The following HEATR5A variants were observed in gnomAD, a reference collection of about 807,000 sequenced individuals.
HEATR5A encodes HEAT repeat-containing protein 5A.
In HEATR5A, 178 loss-of-function variants were observed where a neutral mutation model predicts 218.8. The ratio of observed to expected loss-of-function variants is 0.81; its 90% CI spans 0.72 to 0.92. HEATR5A has a LOEUF of 0.92. Among genes scored for constraint, HEATR5A ranks in the 40% least tolerant of loss-of-function variants. The pLI, the probability that HEATR5A is intolerant of heterozygous loss-of-function variation, is 0.00. For missense variants in HEATR5A, 2,420 were observed against 2,418.9 expected (o/e 1.00, Z -0.01); for synonymous variants, 864 against 871.6 (o/e 0.99, Z 0.15).
In HEATR5A at chr14:31,345,290, G is replaced by A. The variant is rs1469358484; in HGVS notation, c.2869-14C>T. The A allele has an allele frequency of 6.4e-7, 1 of 1,564,156 alleles. No individual in the cohort carries two copies. The highest frequency in any genetic ancestry group is 1.2e-5 in the South Asian group (1 of 84,596). On this transcript the variant is annotated splice_polypyrimidine_tract_variant and intron_variant, in intron 19 of 35. Coordinates refer to ENST00000543095, the MANE Select transcript of HEATR5A (RefSeq NM_015473.4). Reference sequence around the variant, plus strand: ...TAATGCCCAGGTCTGTAATGACAAAGAAAAACAATTAAAAACATTACAGCA... The same window carrying A: ...TAATGCCCAGGTCTGTAATGACAAAAAAAAACAATTAAAAACATTACAGCA...
Position 31,388,893 on chromosome 14 carries a change from C to T in HEATR5A, c.885G>A (p.Leu295=), listed in dbSNP as rs1465404831. 3 of 1,613,802 alleles carry T rather than the reference C, an allele frequency of 1.9e-6. No individual in the cohort carries two copies. Among genetic ancestry groups the T allele is most frequent in the Non-Finnish European group, 2.5e-6 (3 of 1,179,860 alleles). Residue 295 remains leucine, a synonymous_variant, in exon 7 of 36, where the codon CTG becomes CTA. Transcript: ENST00000543095. ...CCCTACTGACTGAACTGGTTCCTTTCAGCATATCTCCACTGGCTCGAAGGA... is the reference window on the plus strand; with the variant it reads ...CCCTACTGACTGAACTGGTTCCTTTTAGCATATCTCCACTGGCTCGAAGGA... ...SGFLRASGDM[L]KGTSSVSRDV...
chr14:31,334,246 T>C, intron 22 of HEATR5A: 3 of 336,694 alleles, frequency 8.9e-6, no homozygotes, highest in Non-Finnish European at 6.0e-6. Context: ...AGATAAATGT[T>C]GTTTTCATGC....
Position 31,400,451 on chromosome 14 carries a change from G to C in HEATR5A, c.188C>G (p.Ser63Cys). ...VEQLLSLLNS[S>C]PGPPTRKLLA... Reference sequence around the variant, plus strand: ...CAGTTTGCGGGTAGGAGGCCCTGGGGAGCTGTTCAACAAAGACAGGAGCTG... The same window carrying C: ...CAGTTTGCGGGTAGGAGGCCCTGGGCAGCTGTTCAACAAAGACAGGAGCTG... Residue 63 changes from serine (S) to cysteine (C), a missense_variant, in exon 3 of 36, where the codon TCC (serine) becomes TGC (cysteine). Ser to Cys is a moderately radical substitution (Grantham distance 112). Transcript: ENST00000543095. 1 of 1,535,922 alleles carries C rather than the reference G, an allele frequency of 6.5e-7. No homozygotes were observed. The highest frequency in any genetic ancestry group is 8.7e-7 in the Non-Finnish European group (1 of 1,146,818).
chr14:31,345,581 A>G (rs1400340244), intron 19 of HEATR5A, among the ~76,000 whole-genome samples: 1 of 152,270 alleles, frequency 6.6e-6, no homozygotes, highest in Non-Finnish European at 1.5e-5. Context: ...TCAAGTTTTT[A>G]AAAAGATTCA....
In HEATR5A at chr14:31,346,023, T is replaced by C. The variant is rs536948463; in HGVS notation, c.2869-747A>G. On this transcript the variant is annotated intron_variant, in intron 19 of 35. Coordinates refer to ENST00000543095, the MANE Select transcript of HEATR5A (RefSeq NM_015473.4). ...ATTCATTGCAGTATACTTTCTAATT[T>C]TGTGTACGTTTTAATGTTCTATAAC... Among the ~76,000 whole-genome samples, 8 of 152,332 alleles carry C rather than the reference T, an allele frequency of 5.3e-5. No homozygotes were observed. In the East Asian group the frequency reaches 1.3e-3, roughly 26 times the overall value.
intron 31 of HEATR5A, among the ~76,000 whole-genome samples, chr14:31,305,806 AAGAC>A (rs1032520515): frequency 1.3e-5 from 2 of 152,204 alleles, no homozygotes; most frequent in African/African-American, 4.8e-5. Flanking sequence ...GCTGGACAGA[AAGAC>A]AGAAAGTCAC....
Position 31,293,409 on chromosome 14 carries a change from T to G in HEATR5A, c.6037A>C (p.Ile2013Leu). ...PALKARLEAA[I>L]KGNQESVKVK... ...TTGACACTTTCCTGATTGCCCTTTA[T>G]AGCAGCCTCAAGGCGGGCTTTTAGG... is the stretch of plus-strand genomic sequence containing the variant. Residue 2013 changes from isoleucine to leucine, a missense_variant, in exon 36 of 36, where the codon ATA (isoleucine) becomes CTA (leucine). Ile to Leu is a conservative substitution (Grantham distance 5). Coordinates refer to ENST00000543095, the MANE Select transcript of HEATR5A (RefSeq NM_015473.4). The G allele has an allele frequency of 6.2e-7, 1 of 1,613,938 alleles. No individual in the cohort carries two copies. Among genetic ancestry groups the G allele is most frequent in the Non-Finnish European group, 8.5e-7 (1 of 1,179,798 alleles).
chr14:31,323,661 C>A lies in HEATR5A; in HGVS notation c.3691G>T (p.Glu1231Ter), dbSNP rs749038409. Residue 1231 changes from glutamate to a stop codon, truncating the protein, a stop_gained, in exon 24 of 36, where the codon GAA becomes TAA. Coordinates refer to ENST00000543095, the MANE Select transcript of HEATR5A (RefSeq NM_015473.4). LOFTEE classifies it high-confidence loss of function. The part of the protein sequence containing the change: ...PRWATRVFAA[E>*]CVCRIINQCE... Reference sequence around the variant, plus strand: ...TGGTTAATTATCCTACAGACACATTCAGCAGCAAAGACTCTAGTAGCCCAT... The same window carrying A: ...TGGTTAATTATCCTACAGACACATTAAGCAGCAAAGACTCTAGTAGCCCAT... 1.2e-6 allele frequency: 2 copies of A among 1,613,548 alleles called. No homozygotes were observed. Among genetic ancestry groups the A allele is most frequent in the East Asian group, 4.5e-5 (2 of 44,860 alleles).
chr14:31,383,319 T>G (rs2030070054), intron 10 of HEATR5A, among the ~76,000 whole-genome samples: 1 of 152,226 alleles, frequency 6.6e-6, no homozygotes, highest in Admixed American at 6.5e-5. Flanking sequence ...TACCACTAAC[T>G]AAATTATTAA....
chr14:31,334,989 C>T (rs1372620230), intron 22 of HEATR5A, among the ~76,000 whole-genome samples: 1 of 151,584 alleles, frequency 6.6e-6, no homozygotes, highest in Non-Finnish European at 1.5e-5. Context: ...CCACAGCCAC[C>T]CCCTCAAACC....
chr14:31,386,601 T>A (rs747935544), intron 8 of HEATR5A, 26 bp from the exon 9 acceptor site: 2 of 1,545,146 alleles, frequency 1.3e-6, no homozygotes, highest in South Asian at 1.3e-5. Flanking sequence ...GAATTAACTA[T>A]GCATAACCAC....
At chr14:31,345,029 A>G in intron 20 of HEATR5A, 58 bp downstream of exon 20, 2 of 1,421,266 alleles carry the variant, frequency 1.4e-6, no homozygotes, top group Middle Eastern at 3.6e-4. Context: ...TAGGAACTGA[A>G]TTCACTTTTA....
chr14:31,379,609 G>A (rs577077081), intron 11 of HEATR5A, among the ~76,000 whole-genome samples: 2 of 152,262 alleles, frequency 1.3e-5, no homozygotes, highest in South Asian at 4.1e-4. Flanking sequence ...TAAAATATAG[G>A]TGTGATAGAG....
At chr14:31,323,923 A>G in intron 23 of HEATR5A, 119 bp from the exon 24 acceptor site, 1 of 637,166 alleles carries the variant, frequency 1.6e-6, no homozygotes, top group Non-Finnish European at 2.7e-6. Context: ...ATCAATTGCT[A>G]CTGATCAATC....
At chr14:31,364,817 C>T (rs1901744684) in intron 13 of HEATR5A, among the ~76,000 whole-genome samples, 1 of 152,180 alleles carries the variant, frequency 6.6e-6, no homozygotes, top group Non-Finnish European at 1.5e-5. Context: ...TAAGACATCA[C>T]TTTACCAATG....
At position 31,364,266 on chromosome 14, in the gene HEATR5A, G is replaced by C; in HGVS notation, c.1994C>G (p.Pro665Arg). The C allele has an allele frequency of 1.3e-6, 2 of 1,546,122 alleles. No individual in the cohort carries two copies. Among genetic ancestry groups the C allele is most frequent in the Non-Finnish European group, 1.8e-6 (2 of 1,141,122 alleles). ...ATAAACCACTGACGGTGTTTTCAAAGGACTTCCATACATTTTTAGTATTGA... is the reference window on the plus strand; with the variant it reads ...ATAAACCACTGACGGTGTTTTCAAACGACTTCCATACATTTTTAGTATTGA... ...LSSILKMYGS[P>R]LKTPSVVYRQ... The change falls in exon 14 of 36, where the codon CCT becomes CGT. Residue 665 changes from proline to arginine, a missense_variant. Physicochemically the swap from Pro to Arg is moderately radical, Grantham distance 103. Transcript: ENST00000543095.
intron 3 of HEATR5A, among the ~76,000 whole-genome samples, chr14:31,399,093 T>A (rs577112088): frequency 6.6e-6 from 1 of 152,312 alleles, no homozygotes; most frequent in Non-Finnish European, 1.5e-5. Flanking sequence ...CAATTTTGAG[T>A]TAATTTTTTA....
At chr14:31,394,319 A>C (rs1217243547) in intron 5 of HEATR5A, 93 bp from the exon 6 acceptor site, 1 of 627,266 alleles carries the variant, frequency 1.6e-6, no homozygotes, top group East Asian at 3.1e-5. Flanking sequence ...AGCGTCTAAC[A>C]AATAATATAC....
In HEATR5A at chr14:31,345,346, T is replaced by C. The variant is rs1175499762; in HGVS notation, c.2869-70A>G. On this transcript the variant is annotated intron_variant, in intron 19 of 35. Coordinates refer to ENST00000543095, the MANE Select transcript of HEATR5A (RefSeq NM_015473.4). ...AAGAAACATAAAATAAATTAACTTG[T>C]TCTTTTGTTGAAGCAAGTGATAAAG... 2.4e-6 allele frequency: 3 copies of C among 1,238,928 alleles called. No homozygotes were observed. In the East Asian group the frequency reaches 7.6e-5, roughly 32 times the overall value. 76.7% of individuals were successfully genotyped at this position (1,238,928 alleles called of 1,614,324 possible). A position where few individuals can be genotyped will look rare whatever the true frequency, so the allele number is the denominator to read the frequency against.
Sources: allele counts gnomAD v4.1 joint callset (sites outside exome capture counted in the v4.1 genomes callset), GRCh38; gene constraint gnomAD v4.1.1; transcripts MANE v1.5; gene names NCBI Gene and HGNC (gene_info 2026-07-23, HGNC 2026-07-21).